TMEM65: variants seen among roughly 807,000 people sequenced by gnomAD.
TMEM65 encodes the protein transmembrane protein 65.
In TMEM65, 22 loss-of-function variants were observed where a neutral mutation model predicts 25.4. That is an observed-to-expected ratio of 0.86 (90% CI 0.62 to 1.23). The LOEUF (loss-of-function observed/expected upper bound fraction) is 1.23. TMEM65 is among the 50% of genes most tolerant of loss of function. TMEM65 has a pLI of 0.00. For synonymous variants in TMEM65, 132 were observed against 126.2 expected (o/e 1.05, Z -0.31); for missense variants, 262 against 308.2 (o/e 0.85, Z 1.12).
In TMEM65 at chr8:124,313,281, C is replaced by T. The variant is rs1041216484; in HGVS notation, c.*679G>A. ...TAAAAAAAATCAACTAAAAATTGTACGCTTGTTAGTATACACGGTTTCATG... is the reference window on the plus strand; with the variant it reads ...TAAAAAAAATCAACTAAAAATTGTATGCTTGTTAGTATACACGGTTTCATG... On this transcript the variant is annotated 3_prime_UTR_variant, in exon 7 of 7. Coordinates refer to ENST00000297632, the MANE Select transcript of TMEM65 (RefSeq NM_194291.3). 1.3e-5 allele frequency: 2 copies of T among 151,816 alleles called. No homozygotes were observed. Among genetic ancestry groups the T allele is most frequent in the African/African-American group, 4.8e-5 (2 of 41,370 alleles). 9.4% of individuals were successfully genotyped at this position (151,816 alleles called of 1,614,324 possible).
chr8:124,342,365 T>G (rs191321705), intron 1 of TMEM65, among the ~76,000 whole-genome samples: 47 of 152,236 alleles, frequency 3.1e-4, no homozygotes, highest in African/African-American at 1.1e-3. Flanking sequence ...AGGAAGAAAC[T>G]CATTGGTTCA....
Position 124,372,075 on chromosome 8 carries a change from G to A in TMEM65, c.83C>T (p.Pro28Leu), listed in dbSNP as rs1815024896. 8.8e-7 allele frequency: 1 copy of A among 1,139,980 alleles called. No individual in the cohort carries two copies. Among genetic ancestry groups the A allele is most frequent in the East Asian group, 4.3e-5 (1 of 23,484 alleles). 70.6% of individuals were successfully genotyped at this position (1,139,980 alleles called of 1,614,324 possible). Reference sequence around the variant, plus strand: ...CCGCCCGCAGCAGCACCAGGACGGCGGGCGGGGCGCGGCGGCGGCGGCCGG... The same window carrying A: ...CCGCCCGCAGCAGCACCAGGACGGCAGGCGGGGCGCGGCGGCGGCGGCCGG... ...PGPAAAAAPR[P>L]PSWCCCGRGL... The change falls in exon 1 of 7, where the codon CCG becomes CTG. Residue 28 changes from proline to leucine, a missense_variant. Physicochemically the swap from Pro to Leu is moderately conservative, Grantham distance 98. Coordinates refer to ENST00000297632, the MANE Select transcript of TMEM65 (RefSeq NM_194291.3).
intron 1 of TMEM65, among the ~76,000 whole-genome samples, chr8:124,367,936 G>A (rs73333922): frequency 0.02 from 2,979 of 152,276 alleles, 108 homozygotes; most frequent in African/African-American, 0.068. Context: ...TTTGCTATAT[G>A]TAAAAACAAT....
intron 1 of TMEM65, among the ~76,000 whole-genome samples, chr8:124,342,160 G>T (rs771592816): frequency 3.3e-5 from 5 of 151,992 alleles, no homozygotes; most frequent in Non-Finnish European, 5.9e-5. Context: ...TCACTGTAAT[G>T]AACTCTCATC....
rs1258013785 is a variant in TMEM65 at position 124,313,056 on chromosome 8, C to A, written c.*904G>T. The A allele has an allele frequency of 6.6e-6, 1 of 151,342 alleles. No individual in the cohort carries two copies. Among genetic ancestry groups the A allele is most frequent in the Non-Finnish European group, 1.5e-5 (1 of 67,722 alleles). The allele number at this position is 151,342 out of a possible 1,614,324, so 9.4% of individuals were successfully genotyped here. On this transcript the variant is annotated 3_prime_UTR_variant, in exon 7 of 7. Coordinates refer to ENST00000297632, the MANE Select transcript of TMEM65 (RefSeq NM_194291.3). ...ATCACTTCAACTTCATCATTTATAC[C>A]ATAAACCTTCTTGACAGTTCCTATT... is the stretch of plus-strand genomic sequence containing the variant.
At chr8:124,351,028 T>C (rs979697992) in intron 1 of TMEM65, 2 of 985,094 alleles carry the variant, frequency 2.0e-6, no homozygotes, top group African/African-American at 1.7e-5. Flanking sequence ...ACTGTAAGAC[T>C]GTACTATACC....
chr8:124,356,911 T>A (rs1044936573), intron 1 of TMEM65, among the ~76,000 whole-genome samples: 3 of 152,130 alleles, frequency 2.0e-5, no homozygotes, highest in Admixed American at 2.0e-4. Flanking sequence ...TTTTACCATG[T>A]TGTCCAGGCT....
At chr8:124,328,844 T>C (rs1290548075) in intron 2 of TMEM65, among the ~76,000 whole-genome samples, 4 of 152,066 alleles carry the variant, frequency 2.6e-5, no homozygotes, top group Non-Finnish European at 5.9e-5. Flanking sequence ...AATTGAAATA[T>C]AATCCAGAAG....
chr8:124,361,960 G>A (rs1462536510), intron 1 of TMEM65, among the ~76,000 whole-genome samples: 3 of 151,180 alleles, frequency 2.0e-5, no homozygotes, highest in East Asian at 2.0e-4. Flanking sequence ...ACAGGATCTC[G>A]GCTCACTGCA....
At chr8:124,359,732 ACT>A (rs1184499451) in intron 1 of TMEM65, among the ~76,000 whole-genome samples, 2 of 151,858 alleles carry the variant, frequency 1.3e-5, no homozygotes, top group East Asian at 3.9e-4. Flanking sequence ...ACAGAGCAAG[ACT>A]CTGTTTCAAA....
At chr8:124,337,132 A>AAC (rs748885748) in intron 1 of TMEM65, among the ~76,000 whole-genome samples, 2 of 151,506 alleles carry the variant, frequency 1.3e-5, no homozygotes, top group Non-Finnish European at 3.0e-5. Context: ...TTTATATGTA[A>AAC]ACACACACAC....
At chr8:124,346,544 A>T (rs1197334776) in intron 1 of TMEM65, among the ~76,000 whole-genome samples, 1 of 152,200 alleles carries the variant, frequency 6.6e-6, no homozygotes, top group Non-Finnish European at 1.5e-5. Flanking sequence ...AATCCAAATT[A>T]TTTATAATAA....
Position 124,351,067 on chromosome 8 carries a change from A to G in TMEM65, c.305-20275T>C, listed in dbSNP as rs546761041. On this transcript the variant is annotated intron_variant, in intron 1 of 6. Coordinates refer to ENST00000297632, the MANE Select transcript of TMEM65 (RefSeq NM_194291.3). ...GCTATCAGGGGTCTCTGCTGAGGAT[A>G]CTTCCTTCGCAAGCTTCACAATGGC... The G allele has an allele frequency of 3.2e-5, 32 of 985,046 alleles. No individual in the cohort carries two copies. In the African/African-American group the frequency reaches 3.8e-4, roughly 12 times the overall value. The allele number at this position is 985,046 out of a possible 1,614,324, so 61.0% of individuals were successfully genotyped here.
rs1200778965 is a variant in TMEM65 at position 124,312,005 on chromosome 8, G to A, written c.*1955C>T. ...AAGTCACAGGCAAGGTTTCTGATAC[G>A]GGATTTAATTAATAAGAAGTTAAGC... On this transcript the variant is annotated 3_prime_UTR_variant, in exon 7 of 7. Transcript: ENST00000297632. 2 of 152,382 alleles carry A rather than the reference G, an allele frequency of 1.3e-5. No individual in the cohort carries two copies. The highest frequency in any genetic ancestry group is 2.1e-4 in the South Asian group (1 of 4,818). The allele number at this position is 152,382 out of a possible 1,614,324, so 9.4% of individuals were successfully genotyped here.
At chr8:124,351,560 G>A (rs960504551) in intron 1 of TMEM65, among the ~76,000 whole-genome samples, 2 of 152,068 alleles carry the variant, frequency 1.3e-5, no homozygotes, top group East Asian at 1.9e-4. Flanking sequence ...AAAATGCAGC[G>A]AGCATCTTTC....
intron 1 of TMEM65, among the ~76,000 whole-genome samples, chr8:124,334,261 G>A (rs1229844448): frequency 6.6e-6 from 1 of 152,090 alleles, no homozygotes; most frequent in Non-Finnish European, 1.5e-5. Context: ...CCCATTTTCA[G>A]AAGACAATAC....
intron 1 of TMEM65, among the ~76,000 whole-genome samples, chr8:124,347,368 G>A (rs934285967): frequency 6.6e-6 from 1 of 152,100 alleles, no homozygotes; most frequent in African/African-American, 2.4e-5. Context: ...TATACCTTAT[G>A]TAGGAAAGAA....
chr8:124,321,692 G>A (rs1417343821), intron 5 of TMEM65, among the ~76,000 whole-genome samples: 1 of 152,114 alleles, frequency 6.6e-6, no homozygotes, highest in Non-Finnish European at 1.5e-5. Context: ...GTAGGGTGAG[G>A]TGGAATAATG....
Position 124,322,077 on chromosome 8 carries a change from A to G in TMEM65, c.515+28T>C, listed in dbSNP as rs753404866. On this transcript the variant is annotated intron_variant, in intron 5 of 6. Coordinates refer to ENST00000297632, the MANE Select transcript of TMEM65 (RefSeq NM_194291.3). ...AACAGAAAGACAGCAAGTACAGAATATACAAATGAATAAGTGAATGAACCT... is the reference window on the plus strand; with the variant it reads ...AACAGAAAGACAGCAAGTACAGAATGTACAAATGAATAAGTGAATGAACCT... 4 of 1,571,474 alleles carry G rather than the reference A, an allele frequency of 2.5e-6. No individual in the cohort carries two copies. In the South Asian group the frequency reaches 4.6e-5, roughly 18 times the overall value.
Sources: allele counts gnomAD v4.1 joint callset (sites outside exome capture counted in the v4.1 genomes callset), GRCh38; gene constraint gnomAD v4.1.1; transcripts MANE v1.5; gene names NCBI Gene and HGNC (gene_info 2026-07-23, HGNC 2026-07-21).